Variants in SLC24A2 observed in about 807,000 individuals in gnomAD.
SLC24A2 encodes the protein solute carrier family 24 member 2, also known as sodium/potassium/calcium exchanger 2.
Under a neutral mutation model 62.0 loss-of-function variants are expected in SLC24A2, and 36 were observed. The ratio of observed to expected loss-of-function variants is 0.58; its 90% CI spans 0.44 to 0.77. SLC24A2 has a LOEUF of 0.77. Among genes scored for constraint, SLC24A2 ranks in the 30% least tolerant of loss-of-function variants. SLC24A2 has a pLI of 0.00. For synonymous variants in SLC24A2, 358 were observed against 294.0 expected, an observed-to-expected ratio of 1.22 and a Z score of -2.23; for missense variants, 846 against 817.9, an observed-to-expected ratio of 1.03 and a Z score of -0.42.
At chr9:19,838,890 G>A in the SLC24A2 span, among the ~76,000 whole-genome samples, 71 of 152,014 alleles carry the variant, frequency 4.7e-4, no homozygotes, top group Non-Finnish European at 9.0e-4. Flanking sequence ...ATTGACAAAT[G>A]AGATCTAATT....
the SLC24A2 span, among the ~76,000 whole-genome samples, chr9:19,846,407 A>G: frequency 1.4e-4 from 22 of 152,312 alleles, 1 homozygote; most frequent in East Asian, 4.2e-3. Flanking sequence ...TACAATAATA[A>G]GGACACTTGT....
chr9:20,085,894 AT>A, the SLC24A2 span, among the ~76,000 whole-genome samples: 9 of 151,858 alleles, frequency 5.9e-5, no homozygotes, highest in South Asian at 2.1e-4. Context: ...TCCCTTTGGA[AT>A]TTTTTTTCCC....
At chr9:20,167,856 A>T in the SLC24A2 span, among the ~76,000 whole-genome samples, 3 of 151,058 alleles carry the variant, frequency 2.0e-5, no homozygotes, top group Admixed American at 1.3e-4. Context: ...GGTATCTGGG[A>T]TTACAGCCAT....
chr9:19,733,778 C>T (rs760785511), intron 2 of SLC24A2, among the ~76,000 whole-genome samples: 3 of 152,136 alleles, frequency 2.0e-5, no homozygotes, highest in Non-Finnish European at 4.4e-5. Flanking sequence ...CTCTGACCTA[C>T]GTTTGTGGTT....
At chr9:20,081,836 CT>C in the SLC24A2 span, among the ~76,000 whole-genome samples, 83 of 152,190 alleles carry the variant, frequency 5.5e-4, 1 homozygote, top group African/African-American at 1.9e-3. Flanking sequence ...ATTTCTATGC[CT>C]GAATTTATAA....
the SLC24A2 span, among the ~76,000 whole-genome samples, chr9:20,269,863 T>A: frequency 6.6e-6 from 1 of 152,360 alleles, no homozygotes; most frequent in Non-Finnish European, 1.5e-5. Context: ...GGTCTTAGTC[T>A]GTTTTGTGTT....
chr9:19,706,528 C>A (rs553363395), intron 2 of SLC24A2, among the ~76,000 whole-genome samples: 4 of 151,858 alleles, frequency 2.6e-5, no homozygotes, highest in Admixed American at 6.6e-5. Context: ...TACAGGCACG[C>A]GCCACCATGC....
chr9:19,853,188 T>C, the SLC24A2 span, among the ~76,000 whole-genome samples: 18 of 152,334 alleles, frequency 1.2e-4, no homozygotes, highest in Admixed American at 3.9e-4. Flanking sequence ...AAGTTGTTTA[T>C]CAGCTTAAGA....
intron 2 of SLC24A2, among the ~76,000 whole-genome samples, chr9:19,695,679 C>CAAAAAAA (rs66668393): frequency 1.4e-5 from 1 of 73,536 alleles, no homozygotes; most frequent in African/African-American, 5.6e-5. Context: ...TTGTTAGTAG[C>CAAAAAAA]AAAAAAAAAA....
the SLC24A2 span, among the ~76,000 whole-genome samples, chr9:20,283,756 G>T: frequency 8.3e-5 from 12 of 145,050 alleles, no homozygotes; most frequent in African/African-American, 2.7e-4. Context: ...AAAAAAGGGG[G>T]GGGGGGGCTT....
At chr9:19,575,902 T>C (rs1162709693) in intron 6 of SLC24A2, among the ~76,000 whole-genome samples, 1 of 152,248 alleles carries the variant, frequency 6.6e-6, no homozygotes, top group Non-Finnish European at 1.5e-5. Context: ...TGGCTTTACA[T>C]TTTTATAGTA....
chr9:19,898,321 AAAG>A, the SLC24A2 span, among the ~76,000 whole-genome samples: 1 of 152,204 alleles, frequency 6.6e-6, no homozygotes, highest in Non-Finnish European at 1.5e-5. Flanking sequence ...ACCACTGGAC[AAAG>A]AAGACTCCTC....
chr9:20,126,099 T>C, the SLC24A2 span, among the ~76,000 whole-genome samples: 2 of 152,168 alleles, frequency 1.3e-5, no homozygotes, highest in South Asian at 2.1e-4. Context: ...GTGTAGATAG[T>C]TGTCAAATTG....
the SLC24A2 span, among the ~76,000 whole-genome samples, chr9:20,175,785 C>T: frequency 6.6e-5 from 10 of 151,834 alleles, no homozygotes; most frequent in South Asian, 4.2e-4. Flanking sequence ...ACTGTAAGTT[C>T]CTTTAGATTG....
chr9:20,039,409 C>A, the SLC24A2 span, among the ~76,000 whole-genome samples: 2 of 152,016 alleles, frequency 1.3e-5, no homozygotes, highest in East Asian at 3.9e-4. Flanking sequence ...GAGGGAAACC[C>A]AGTCCAGGGC....
At chr9:20,096,871 T>C in the SLC24A2 span, among the ~76,000 whole-genome samples, 1 of 152,216 alleles carries the variant, frequency 6.6e-6, no homozygotes, top group Non-Finnish European at 1.5e-5. Context: ...GGTGAGGTAA[T>C]TTTGGCTCTG....
the SLC24A2 span, among the ~76,000 whole-genome samples, chr9:19,845,016 T>C: frequency 8.6e-5 from 13 of 152,006 alleles, no homozygotes; most frequent in South Asian, 2.1e-4. Context: ...TGGTTCCATA[T>C]AAATTTTAGA....
the SLC24A2 span, among the ~76,000 whole-genome samples, chr9:20,167,603 T>A: frequency 6.6e-6 from 1 of 152,030 alleles, no homozygotes; most frequent in African/African-American, 2.4e-5. Context: ...AGGATCAGTG[T>A]CCCTTGGACA....
At chr9:20,231,946 G>A in the SLC24A2 span, among the ~76,000 whole-genome samples, 170 of 152,256 alleles carry the variant, frequency 1.1e-3, 2 homozygotes, top group South Asian at 0.014. Flanking sequence ...TAGCATGAAC[G>A]GTTGTTGAAT....
Sources: gnomAD v4.1 joint callset for allele counts (sites outside exome capture counted in the v4.1 genomes callset) on GRCh38, gnomAD v4.1.1 for gene constraint, MANE v1.5 for transcripts, NCBI Gene and HGNC (gene_info 2026-07-23, HGNC 2026-07-21) for gene names.